ILKAP: variants seen among roughly 807,000 people sequenced by gnomAD.
The protein encoded by ILKAP is ILK associated serine/threonine phosphatase.
A neutral mutation model predicts 49.1 loss-of-function variants in ILKAP; 11 were observed. That is an observed-to-expected ratio of 0.22 (90% CI 0.14 to 0.37). The LOEUF (loss-of-function observed/expected upper bound fraction) is 0.37. ILKAP is among the 10% of genes least tolerant of loss of function. The probability of loss-of-function intolerance (pLI) is 1.00; values close to 1 mark genes in which losing one functional copy is unlikely to be tolerated. For synonymous variants in ILKAP, 186 were observed against 192.8 expected (o/e 0.96, Z 0.29); for missense variants, 363 against 510.8 (o/e 0.71, Z 2.79).
At chr2:238,190,064 C>T in intron 3 of ILKAP, 92 bp from the exon 4 acceptor site, 3 of 1,378,900 alleles carry the variant, frequency 2.2e-6, no homozygotes, top group South Asian at 2.8e-5. Context: ...CACTCAAAGA[C>T]AAGGTCATTT....
intron 4 of ILKAP, among the ~76,000 whole-genome samples, chr2:238,188,855 AAAT>A (rs1694008510): frequency 6.6e-6 from 1 of 152,212 alleles, no homozygotes; most frequent in Admixed American, 6.5e-5. Flanking sequence ...AATGCCAGAC[AAAT>A]AATAAAATGA....
At chr2:238,173,482 G>T in intron 10 of ILKAP, 52 bp downstream of exon 10, 18 of 1,588,646 alleles carry the variant, frequency 1.1e-5, no homozygotes, top group Non-Finnish European at 1.5e-5. Context: ...AAGTGAGGAA[G>T]AGAAATAAAC....
At chr2:238,190,881 A>C (rs959607616) in intron 3 of ILKAP, among the ~76,000 whole-genome samples, 4 of 60,602 alleles carry the variant, frequency 6.6e-5, no homozygotes, top group African/African-American at 2.7e-4. Context: ...TCTCTTTAAA[A>C]AAAAAAAAAA....
At chr2:238,173,928 C>A in intron 9 of ILKAP, 1 of 422,512 alleles carries the variant, frequency 2.4e-6, no homozygotes, top group Non-Finnish European at 4.3e-6. Flanking sequence ...TAACCTTCGA[C>A]AGGACTCAGC....
At chr2:238,173,877 G>C (rs943944705) in intron 9 of ILKAP, 4 of 556,622 alleles carry the variant, frequency 7.2e-6, no homozygotes, top group South Asian at 2.2e-5. Flanking sequence ...ACATGGGTGG[G>C]AACAGCACCT....
chr2:238,189,448 G>T (rs141068417), intron 4 of ILKAP, among the ~76,000 whole-genome samples: 1 of 152,116 alleles, frequency 6.6e-6, no homozygotes, highest in Non-Finnish European at 1.5e-5. Context: ...AAATTTCAAC[G>T]GCTTTTTCCA....
intron 9 of ILKAP, among the ~76,000 whole-genome samples, chr2:238,176,535 GC>G (rs1205919899): frequency 6.6e-6 from 1 of 152,164 alleles, no homozygotes; most frequent in Non-Finnish European, 1.5e-5. Flanking sequence ...TCCAACTTTT[GC>G]TTTGTGCTGC....
chr2:238,193,130 T>G (rs1694208925), intron 3 of ILKAP, among the ~76,000 whole-genome samples: 1 of 152,274 alleles, frequency 6.6e-6, no homozygotes, highest in Non-Finnish European at 1.5e-5. Flanking sequence ...TTTTTACTAC[T>G]TTGCCTTTTG....
intron 9 of ILKAP, among the ~76,000 whole-genome samples, chr2:238,177,761 G>A (rs1467234781): frequency 6.6e-6 from 1 of 152,166 alleles, no homozygotes; most frequent in African/African-American, 2.4e-5. Flanking sequence ...TCCCCATGGT[G>A]AATAATGCTG....
intron 1 of ILKAP, among the ~76,000 whole-genome samples, chr2:238,200,063 G>A (rs986921430): frequency 1.3e-5 from 2 of 152,142 alleles, no homozygotes; most frequent in Non-Finnish European, 1.5e-5. Context: ...AGTTACTGGC[G>A]AAGCAATTTT....
chr2:238,179,083 G>A (rs1030681621), intron 9 of ILKAP, among the ~76,000 whole-genome samples: 1 of 152,180 alleles, frequency 6.6e-6, no homozygotes, highest in Admixed American at 6.5e-5. Flanking sequence ...GATTACAGAT[G>A]TGAGCCACTG....
intron 10 of ILKAP, among the ~76,000 whole-genome samples, chr2:238,172,500 C>T (rs1481135158): frequency 2.0e-5 from 3 of 152,194 alleles, no homozygotes; most frequent in Non-Finnish European, 4.4e-5. Context: ...TCACACAGAC[C>T]CATGACTACA....
intron 5 of ILKAP, among the ~76,000 whole-genome samples, chr2:238,187,629 T>C (rs183530569): frequency 3.9e-5 from 6 of 152,310 alleles, no homozygotes; most frequent in African/African-American, 1.2e-4. Context: ...GGGCCCTGAT[T>C]ATCTGTACTA....
chr2:238,183,920 G>A (rs1693796882), intron 7 of ILKAP, 100 bp downstream of exon 7: 1 of 980,734 alleles, frequency 1.0e-6, no homozygotes, highest in Non-Finnish European at 1.6e-6. Flanking sequence ...GCACTTTTCA[G>A]ACAGTGAGCA....
intron 1 of ILKAP, among the ~76,000 whole-genome samples, chr2:238,202,806 G>A (rs1308410949): frequency 2.0e-5 from 3 of 151,240 alleles, no homozygotes; most frequent in Non-Finnish European, 4.4e-5. Flanking sequence ...AGCCCACAGG[G>A]ACTCCCACTG....
chr2:238,174,455 T>C (rs1446883964), intron 9 of ILKAP, among the ~76,000 whole-genome samples: 1 of 152,222 alleles, frequency 6.6e-6, no homozygotes, highest in Non-Finnish European at 1.5e-5. Flanking sequence ...ATACTCAACG[T>C]GTGAGAGAGC....
intron 1 of ILKAP, among the ~76,000 whole-genome samples, chr2:238,198,497 C>G (rs6719526): frequency 2.0e-5 from 3 of 152,094 alleles, no homozygotes; most frequent in African/African-American, 7.2e-5. Flanking sequence ...CCTCAGCATC[C>G]CAAAGTGCTG....
intron 3 of ILKAP, 77 bp from the exon 4 acceptor site, chr2:238,190,049 C>A: frequency 6.7e-7 from 1 of 1,494,634 alleles, no homozygotes; most frequent in Non-Finnish European, 9.1e-7. Flanking sequence ...TGGGCTTCAT[C>A]CTAGCACTCA....
chr2:238,170,573 T>C lies in ILKAP; in HGVS notation c.1142A>G (p.Asp381Gly), dbSNP rs2106323576. ...ANKAVQRGSADNVTVMVVRIG... is the reference protein window; with the variant it reads ...ANKAVQRGSAGNVTVMVVRIG... ...CCGCACCACCATCACAGTGACGTTG[T>C]CGGCCGAGCCCCGCTGCACCGCCTT... Residue 381 changes from aspartate to glycine, a missense_variant, in exon 12 of 12, where the codon GAC (aspartate) becomes GGC (glycine). By Grantham distance (94) the Asp-to-Gly change is moderately conservative (BLOSUM62 -1). Coordinates refer to ENST00000254654, the MANE Select transcript of ILKAP (RefSeq NM_030768.3). The C allele has an allele frequency of 1.2e-6, 2 of 1,607,312 alleles. No individual in the cohort carries two copies. The highest frequency in any genetic ancestry group is 1.1e-5 in the South Asian group (1 of 90,890).
Sources: gnomAD v4.1 joint callset for allele counts (sites outside exome capture counted in the v4.1 genomes callset) on GRCh38, gnomAD v4.1.1 for gene constraint, MANE v1.5 for transcripts, NCBI Gene and HGNC (gene_info 2026-07-23, HGNC 2026-07-21) for gene names.